The following ING5 variants were observed in gnomAD, a reference collection of about 807,000 sequenced individuals.
ING5 encodes the protein inhibitor of growth family member 5.
A neutral mutation model predicts 37.4 loss-of-function variants in ING5; 17 were observed. The observed-to-expected ratio is 0.45, with a 90% CI of 0.31 to 0.68. The LOEUF (loss-of-function observed/expected upper bound fraction) is 0.68. ING5 is among the 30% of genes least tolerant of loss of function. The pLI is 0.05. For missense variants in ING5, 233 were observed against 311.9 expected (o/e 0.75, Z 1.91); for synonymous variants, 123 against 116.6 (o/e 1.06, Z -0.36).
At chr2:241,698,416 C>CAA (rs544307159), upstream of ING5, among the ~76,000 whole-genome samples, 1 of 125,768 alleles carries the variant, frequency 8.0e-6, no homozygotes, top group Non-Finnish European at 1.7e-5. Flanking sequence ...TTTGAGGTCT[C>CAA]AAAAAAAAAA....
upstream of ING5, among the ~76,000 whole-genome samples, chr2:241,697,749 TGGG>T (rs377488661): frequency 6.6e-6 from 1 of 151,950 alleles, no homozygotes; most frequent in Non-Finnish European, 1.5e-5. Flanking sequence ...TGACATGTAA[TGGG>T]GGGTAGCTGA....
At chr2:241,719,174 G>A (rs151318711) in intron 5 of ING5, among the ~76,000 whole-genome samples, 345 of 152,370 alleles carry the variant, frequency 2.3e-3, no homozygotes, top group African/African-American at 7.9e-3. Context: ...AGCGGTGCCC[G>A]AGCAGACCCC....
chr2:241,692,455 C>T lies in ING5; in HGVS notation c.43+1802C>T, dbSNP rs142361422. On this transcript the variant is annotated intron_variant, in intron 2 of 7. Coordinates refer to the ING5 transcript ENST00000636051. Reference sequence around the variant, plus strand: ...TCTGAAGTATCTGGAACTACAGGCACACACATCTGGCTTTTTTTTTTTTTT... The same window carrying T: ...TCTGAAGTATCTGGAACTACAGGCATACACATCTGGCTTTTTTTTTTTTTT... Among the ~76,000 whole-genome samples, 835 of 151,340 alleles carry T rather than the reference C, an allele frequency of 5.5e-3. 8 individuals carry two copies. Among genetic ancestry groups the T allele is most frequent in the African/African-American group, 0.019 (796 of 41,354 alleles).
rs551102899 is a variant in ING5, at chr2:241,722,404, G to A, written c.483-535G>A. ...GTCCCCAGAGTGGGACCAGAACCCC[G>A]GTGCTGTGGGTGAGTGCTGCGCTTC... On this transcript the variant is annotated intron_variant, in intron 5 of 7. Transcript: ENST00000313552. 19 of 985,348 alleles carry A rather than the reference G, an allele frequency of 1.9e-5. No individual in the cohort carries two copies. The East Asian group carries it at 3.4e-4, about 18-fold the overall frequency. 61.0% of individuals were successfully genotyped at this position (985,348 alleles called of 1,614,324 possible).
At chr2:241,719,190 C>T (rs547945353) in intron 5 of ING5, among the ~76,000 whole-genome samples, 6 of 152,248 alleles carry the variant, frequency 3.9e-5, no homozygotes, top group Admixed American at 6.5e-5. Flanking sequence ...ACCCCTTGCT[C>T]GAGAACTCCG....
chr2:241,709,417 G>T, intron 3 of ING5, 35 bp downstream of exon 3: 2 of 1,582,170 alleles, frequency 1.3e-6, no homozygotes, highest in South Asian at 2.3e-5. Context: ...CTCTTCCTCT[G>T]ACCTCTACTC....
chr2:241,717,511 C>T (rs113244798), intron 5 of ING5, among the ~76,000 whole-genome samples: 5,865 of 152,072 alleles, frequency 0.039, 447 homozygotes, highest in East Asian at 0.29. Flanking sequence ...ACATTTTTTG[C>T]AGTACATGTA....
intron 5 of ING5, chr2:241,719,570 G>T: frequency 6.5e-7 from 1 of 1,536,124 alleles, no homozygotes; most frequent in Non-Finnish European, 8.7e-7. Context: ...GTGAAAGTGG[G>T]ACTCCTCCTG....
At position 241,712,072 on chromosome 2, in the gene ING5, G is replaced by A; in HGVS notation, c.482+1G>A. On this transcript the variant is annotated splice_donor_variant, in intron 5 of 7. Transcript: ENST00000313552. LOFTEE classifies it high-confidence loss of function. ...CAAAGAAAAAGAAGCACAAAGGAGGGTAAGAGGCTTTCCCCTCTTTTTCCC... is the reference window on the plus strand; with the variant it reads ...CAAAGAAAAAGAAGCACAAAGGAGGATAAGAGGCTTTCCCCTCTTTTTCCC... The A allele has an allele frequency of 6.3e-7, 1 of 1,599,512 alleles. No individual in the cohort carries two copies. The highest frequency in any genetic ancestry group is 1.1e-5 in the South Asian group (1 of 88,538).
At chr2:241,707,674 T>G (rs145988363) in intron 2 of ING5, among the ~76,000 whole-genome samples, 3 of 152,332 alleles carry the variant, frequency 2.0e-5, no homozygotes, top group East Asian at 1.9e-4. Flanking sequence ...AGAGAGTTAT[T>G]TTATTGTGAA....
intron 5 of ING5, chr2:241,720,899 G>A: frequency 1.0e-6 from 1 of 985,606 alleles, no homozygotes; most frequent in African/African-American, 1.7e-5. Flanking sequence ...AGACTGAGAG[G>A]CCAGTGAGGC....
chr2:241,725,899 A>G lies in ING5; in HGVS notation c.*868A>G, dbSNP rs957751352. On this transcript the variant is annotated 3_prime_UTR_variant, in exon 8 of 8. Transcript: ENST00000313552. Reference sequence around the variant, plus strand: ...ACGAATGCTTCTGCCTGTGCTGTGCATTCCCAGGCCCGCAGCTCCCGGTCG... The same window carrying G: ...ACGAATGCTTCTGCCTGTGCTGTGCGTTCCCAGGCCCGCAGCTCCCGGTCG... 1.3e-5 allele frequency: 2 copies of G among 152,632 alleles called. No individual in the cohort carries two copies. Among genetic ancestry groups the G allele is most frequent in the African/African-American group, 4.8e-5 (2 of 41,448 alleles). 9.5% of individuals were successfully genotyped at this position (152,632 alleles called of 1,614,324 possible).
rs1036776562 is a variant in ING5, at chr2:241,727,768, C to G, written c.*2737C>G. ...AAATGAATTTGATATTGCGCTCCACCTTTGAGCTGTTCACACCTGTGGCTA... is the reference window on the plus strand; with the variant it reads ...AAATGAATTTGATATTGCGCTCCACGTTTGAGCTGTTCACACCTGTGGCTA... On this transcript the variant is annotated 3_prime_UTR_variant, in exon 8 of 8. Coordinates refer to ENST00000313552, the MANE Select transcript of ING5 (RefSeq NM_032329.6). 3.3e-5 allele frequency: 5 copies of G among 152,332 alleles called. No individual in the cohort carries two copies. The East Asian group carries it at 9.6e-4, about 29-fold the overall frequency. 9.4% of individuals were successfully genotyped at this position (152,332 alleles called of 1,614,324 possible). A position where few individuals can be genotyped will look rare whatever the true frequency, so the allele number is the denominator to read the frequency against.
upstream of ING5, among the ~76,000 whole-genome samples, chr2:241,701,286 C>G (rs2069719165): frequency 6.6e-6 from 1 of 151,834 alleles, no homozygotes; most frequent in African/African-American, 2.4e-5. Flanking sequence ...TTGCATGCAT[C>G]TTACGGCACA....
intron 4 of ING5, 25 bp from the exon 5 acceptor site, chr2:241,711,953 A>C: frequency 1.3e-6 from 2 of 1,546,942 alleles, no homozygotes; most frequent in East Asian, 2.3e-5. Context: ...CTATAAAAAT[A>C]ATTTGCATCT....
chr2:241,709,395 C>G lies in ING5; in HGVS notation c.276+13C>G, dbSNP rs376009967. On this transcript the variant is annotated intron_variant, in intron 3 of 7. Transcript: ENST00000313552. The stretch of plus-strand genomic sequence containing the variant: ...GACCTACGAGATGGTGAGGGCGGGG[C>G]GGGGGCCATGGCTCTTCCTCTGACC... 1 of 1,606,272 alleles carries G rather than the reference C, an allele frequency of 6.2e-7. No homozygotes were observed. Among genetic ancestry groups the G allele is most frequent in the African/African-American group, 1.3e-5 (1 of 74,426 alleles).
At chr2:241,692,783 C>G (rs2069574009) in intron 2 of ING5, among the ~76,000 whole-genome samples, 1 of 152,112 alleles carries the variant, frequency 6.6e-6, no homozygotes, top group South Asian at 2.1e-4. Context: ...CCCTTAAAAA[C>G]CTTAGCTCAG....
At chr2:241,721,757 G>A in intron 5 of ING5, 2 of 985,452 alleles carry the variant, frequency 2.0e-6, no homozygotes, top group Non-Finnish European at 2.4e-6. Flanking sequence ...CCTGCAGCTT[G>A]TAAGTTTATT....
intron 7 of ING5, 89 bp from the exon 8 acceptor site, chr2:241,724,900 C>A: frequency 7.1e-7 from 1 of 1,412,014 alleles, no homozygotes; most frequent in Non-Finnish European, 1.0e-6. Flanking sequence ...CGTCCAGCAG[C>A]CCTGGGAGAC....
Sources: allele counts gnomAD v4.1 joint callset (sites outside exome capture counted in the v4.1 genomes callset), GRCh38; gene constraint gnomAD v4.1.1; transcripts MANE v1.5; gene names NCBI Gene and HGNC (gene_info 2026-07-23, HGNC 2026-07-21).